Variants in CHST11 observed in about 807,000 individuals in gnomAD.
CHST11 encodes C4S-1.
A neutral mutation model predicts 30.4 loss-of-function variants in CHST11; 9 were observed. That is an observed-to-expected ratio of 0.30 (90% CI 0.18 to 0.52). The LOEUF (loss-of-function observed/expected upper bound fraction) is 0.52. Among genes scored for constraint, CHST11 ranks in the 20% least tolerant of loss-of-function variants. The pLI, the probability that CHST11 is intolerant of heterozygous loss-of-function variation, is 0.97. For missense variants in CHST11, 348 were observed against 460.6 expected (o/e 0.76, Z 2.24); for synonymous variants, 152 against 187.8 (o/e 0.81, Z 1.56).
At chr12:104,470,067 T>C (rs2037493104) in intron 1 of CHST11, among the ~76,000 whole-genome samples, 1 of 152,238 alleles carries the variant, frequency 6.6e-6, no homozygotes, top group African/African-American at 2.4e-5. Flanking sequence ...TGTCATTAAC[T>C]GGGGAAGGTG....
At chr12:104,637,311 A>ACTC (rs1293649243) in intron 2 of CHST11, among the ~76,000 whole-genome samples, 272 of 18,190 alleles carry the variant, frequency 0.015, 32 homozygotes, top group East Asian at 0.064. Flanking sequence ...GTAAAAAAAA[A>ACTC]AAAAAAAAAA....
intron 1 of CHST11, among the ~76,000 whole-genome samples, chr12:104,467,599 T>A (rs1004452022): frequency 6.6e-6 from 1 of 152,214 alleles, no homozygotes; most frequent in African/African-American, 2.4e-5. Context: ...CATGTAGATA[T>A]GGATAGAGAC....
chr12:104,754,240 CTCAGCTCTCCTGTTTT>C lies in CHST11; in HGVS notation c.205-2694_205-2679del, dbSNP rs1487017895. Reference sequence around the variant, plus strand: ...TCAGCATCGTATCCCGGCTAGGACCCTCAGCTCTCCTGTTTTTCAGCTCTCCTGTTGCAGTTATTTA... The same window carrying C: ...TCAGCATCGTATCCCGGCTAGGACCCTCAGCTCTCCTGTTGCAGTTATTTA... On this transcript the variant is annotated intron_variant, in intron 2 of 2. Transcript: ENST00000303694. Among the ~76,000 whole-genome samples, 4 of 152,190 alleles carry C rather than the reference CTCAGCTCTCCTGTTTT, an allele frequency of 2.6e-5. No individual in the cohort carries two copies. The East Asian group carries it at 5.8e-4, about 22-fold the overall frequency.
In CHST11 at chr12:104,484,373, C is replaced by T. The variant is rs56123622; in HGVS notation, c.118+26844C>T. Among the ~76,000 whole-genome samples, 1,127 of 152,340 alleles carry T rather than the reference C, an allele frequency of 7.4e-3. 14 individuals are homozygous for T. The highest frequency in any genetic ancestry group is 0.025 in the African/African-American group (1,043 of 41,572). The stretch of plus-strand genomic sequence containing the variant: ...AAGAACCCCAGTTAACCCAGAATTT[C>T]TTAAACTTACACAACCACAGAATCT... On this transcript the variant is annotated intron_variant, in intron 1 of 2. Transcript: ENST00000303694.
intron 2 of CHST11, among the ~76,000 whole-genome samples, chr12:104,637,342 TGGGGGAG>T (rs992248385): frequency 3.0e-4 from 5 of 16,510 alleles, no homozygotes; most frequent in Admixed American, 1.5e-3. Context: ...AAAAGGGGGT[TGGGGGAG>T]GGGGGAGGGA....
chr12:104,487,022 T>G (rs1054817914), intron 1 of CHST11, among the ~76,000 whole-genome samples: 1 of 152,238 alleles, frequency 6.6e-6, no homozygotes, highest in African/African-American at 2.4e-5. Flanking sequence ...AGTCCTCTCT[T>G]GGTTTTCGGT....
At chr12:104,733,616 T>G (rs1415477275) in intron 2 of CHST11, among the ~76,000 whole-genome samples, 1 of 152,264 alleles carries the variant, frequency 6.6e-6, no homozygotes, top group Non-Finnish European at 1.5e-5. Flanking sequence ...TTGTAGTTCT[T>G]GTCATCAAAA....
intron 2 of CHST11, among the ~76,000 whole-genome samples, chr12:104,738,171 G>A (rs1053868719): frequency 1.3e-5 from 2 of 152,084 alleles, no homozygotes; most frequent in Non-Finnish European, 2.9e-5. Flanking sequence ...CAGACCCCGC[G>A]GGCTCATCCT....
At chr12:104,707,084 C>G (rs2040042881) in intron 2 of CHST11, among the ~76,000 whole-genome samples, 1 of 152,214 alleles carries the variant, frequency 6.6e-6, no homozygotes, top group African/African-American at 2.4e-5. Context: ...TCCTCCCAGA[C>G]CAGCCCACTG....
chr12:104,515,282 A>G (rs2038011547), intron 1 of CHST11, among the ~76,000 whole-genome samples: 1 of 152,186 alleles, frequency 6.6e-6, no homozygotes, highest in Non-Finnish European at 1.5e-5. Flanking sequence ...GCAGAGTTGA[A>G]TAGTTGCTCC....
chr12:104,630,749 C>A (rs2039262502), intron 2 of CHST11, among the ~76,000 whole-genome samples: 1 of 152,232 alleles, frequency 6.6e-6, no homozygotes, highest in South Asian at 2.1e-4. Context: ...GGCAAGGAGT[C>A]ATGGCCTCAT....
chr12:104,586,986 G>A (rs1317835135), intron 1 of CHST11, among the ~76,000 whole-genome samples: 2 of 152,154 alleles, frequency 1.3e-5, no homozygotes, highest in Non-Finnish European at 2.9e-5. Flanking sequence ...TACTACTGTG[G>A]GGGTTTTCAG....
intron 1 of CHST11, among the ~76,000 whole-genome samples, chr12:104,531,296 C>T (rs1340065411): frequency 3.3e-5 from 5 of 151,948 alleles, no homozygotes; most frequent in Non-Finnish European, 7.4e-5. Context: ...TGAGACCAGC[C>T]TGGGCAACAT....
chr12:104,505,764 C>CCG (rs1182217905), intron 1 of CHST11, among the ~76,000 whole-genome samples: 2 of 152,164 alleles, frequency 1.3e-5, no homozygotes, highest in African/African-American at 4.8e-5. Flanking sequence ...GCAAATGTAG[C>CCG]CGTTCCTTTC....
intron 1 of CHST11, among the ~76,000 whole-genome samples, chr12:104,521,228 C>T (rs1179159020): frequency 1.3e-5 from 2 of 152,198 alleles, no homozygotes; most frequent in Non-Finnish European, 2.9e-5. Context: ...TCTGGGCCTC[C>T]ACCTTTTCCC....
intron 2 of CHST11, among the ~76,000 whole-genome samples, chr12:104,738,741 T>C (rs970587097): frequency 6.6e-6 from 1 of 152,262 alleles, no homozygotes; most frequent in African/African-American, 2.4e-5. Context: ...GATCTGGGAA[T>C]CTGACACTAG....
chr12:104,615,160 G>C (rs1008694859), intron 2 of CHST11, among the ~76,000 whole-genome samples: 1 of 152,164 alleles, frequency 6.6e-6, no homozygotes, highest in African/African-American at 2.4e-5. Context: ...GGGGTGTGAC[G>C]CCCCGGCCAA....
At chr12:104,651,051 T>TTATTATG (rs1362374129) in intron 2 of CHST11, among the ~76,000 whole-genome samples, 16 of 152,244 alleles carry the variant, frequency 1.1e-4, no homozygotes, top group African/African-American at 3.6e-4. Flanking sequence ...TAGCCCCATT[T>TTATTATG]TCAAATAGCC....
intron 1 of CHST11, among the ~76,000 whole-genome samples, chr12:104,537,285 AT>A (rs1490273970): frequency 6.6e-6 from 1 of 152,224 alleles, no homozygotes; most frequent in African/African-American, 2.4e-5. Context: ...AGAACCTAAG[AT>A]GGTGGGCTGG....
Sources: gnomAD v4.1 joint callset for allele counts (sites outside exome capture counted in the v4.1 genomes callset) on GRCh38, gnomAD v4.1.1 for gene constraint, MANE v1.5 for transcripts, NCBI Gene and HGNC (gene_info 2026-07-23, HGNC 2026-07-21) for gene names.